The following INSYN2B variants were observed in gnomAD, a reference collection of about 807,000 sequenced individuals.
The protein encoded by INSYN2B is inhibitory synaptic factor family member 2B, also known as protein INSYN2B.
A neutral mutation model predicts 41.2 loss-of-function variants in INSYN2B; 16 were observed. The ratio of observed to expected loss-of-function variants is 0.39; its 90% confidence interval spans 0.26 to 0.59. The LOEUF is 0.59. Among genes scored for constraint, INSYN2B ranks in the 20% least tolerant of loss-of-function variants. The pLI, the probability that INSYN2B is intolerant of heterozygous loss-of-function variation, is 0.57. For synonymous variants in INSYN2B, 245 were observed against 244.4 expected, an observed-to-expected ratio of 1.00 and a Z score of -0.02; for missense variants, 608 against 646.4, an observed-to-expected ratio of 0.94 and a Z score of 0.64.
chr5:169,975,304 T>C (rs1220526178), intron 1 of INSYN2B, among the ~76,000 whole-genome samples: 2 of 152,176 alleles, frequency 1.3e-5, no homozygotes, highest in Non-Finnish European at 2.9e-5. Context: ...TGGAAAATGC[T>C]TCTCTAAAGA....
intron 1 of INSYN2B, among the ~76,000 whole-genome samples, chr5:169,958,553 G>A (rs900806699): frequency 2.0e-4 from 30 of 150,058 alleles, no homozygotes; most frequent in African/African-American, 7.4e-4. Context: ...TTAAAATAGA[G>A]GACAAAAGGG....
In INSYN2B at chr5:169,919,451, G is replaced by A. The variant is rs562044460; in HGVS notation, c.-918-34635C>T. Among the ~76,000 whole-genome samples the A allele has an allele frequency of 2.0e-5, 3 of 152,246 alleles. No individual in the cohort carries two copies. The East Asian group carries it at 5.8e-4, about 29-fold the overall frequency. On this transcript the variant is annotated intron_variant, in intron 1 of 3. Transcript: ENST00000377365. ...TTAAATCCCCAACTAAAAAGTAATG[G>A]CCAGTATCATTAATTGACCCCAGGC...
chr5:169,882,997 C>A lies in INSYN2B; in HGVS notation c.902G>T (p.Cys301Phe). 6.4e-7 allele frequency: 1 copy of A among 1,551,646 alleles called. No homozygotes were observed. The highest frequency in any genetic ancestry group is 8.7e-7 in the Non-Finnish European group (1 of 1,146,922). ...GSLSSQSKETCVPSSPRTHSS... is the reference protein window; with the variant it reads ...GSLSSQSKETFVPSSPRTHSS... ...GTGAGTCCGTGGAGATGAAGGAACA[C>A]ACGTTTCCTTTGACTGAGATGACAG... The change falls in exon 2 of 4, where the codon TGT becomes TTT. Residue 301 changes from cysteine to phenylalanine, a missense_variant. Transcript: ENST00000377365.
At chr5:169,943,983 G>T (rs2113710852) in intron 1 of INSYN2B, among the ~76,000 whole-genome samples, 1 of 152,306 alleles carries the variant, frequency 6.6e-6, no homozygotes, top group East Asian at 1.9e-4. Context: ...GGTAAGAGTG[G>T]GCTAATAGCA....
intron 1 of INSYN2B, among the ~76,000 whole-genome samples, chr5:169,971,446 T>G (rs1483714027): frequency 8.0e-6 from 1 of 125,772 alleles, no homozygotes; most frequent in Non-Finnish European, 1.6e-5. Context: ...TTTTTTTTTT[T>G]CATGAAAGAC....
intron 1 of INSYN2B, among the ~76,000 whole-genome samples, chr5:169,940,724 G>C (rs1485215814): frequency 6.6e-6 from 1 of 152,192 alleles, no homozygotes; most frequent in Admixed American, 6.5e-5. Flanking sequence ...TCTGACAGGA[G>C]GGGGAGCTCA....
intron 1 of INSYN2B, among the ~76,000 whole-genome samples, chr5:169,963,850 C>G (rs1322567485): frequency 2.6e-5 from 4 of 152,106 alleles, no homozygotes; most frequent in Admixed American, 1.3e-4. Context: ...TGAACATAGA[C>G]CGCTGGGCCT....
At chr5:169,929,741 CAAAAAAAAA>C (rs1211612989) in intron 1 of INSYN2B, among the ~76,000 whole-genome samples, 1 of 62,960 alleles carries the variant, frequency 1.6e-5, no homozygotes, top group African/African-American at 5.5e-5. Flanking sequence ...GACCCTGTCT[CAAAAAAAAA>C]AAAAAAAAAA....
At chr5:169,966,674 A>G (rs1777312030) in intron 1 of INSYN2B, among the ~76,000 whole-genome samples, 1 of 152,186 alleles carries the variant, frequency 6.6e-6, no homozygotes, top group African/African-American at 2.4e-5. Flanking sequence ...GCACACAGGG[A>G]CAGCAAGTGG....
At chr5:169,876,525 C>T (rs1360391211) in intron 3 of INSYN2B, among the ~76,000 whole-genome samples, 1 of 152,192 alleles carries the variant, frequency 6.6e-6, no homozygotes, top group Non-Finnish European at 1.5e-5. Flanking sequence ...GACAGAAGTC[C>T]TGGGCAATAA....
chr5:169,953,273 C>T (rs1776738027), intron 1 of INSYN2B, among the ~76,000 whole-genome samples: 1 of 148,108 alleles, frequency 6.8e-6, no homozygotes, highest in Non-Finnish European at 1.5e-5. Flanking sequence ...GCGGAGGTTG[C>T]AGTAAGCCGA....
chr5:169,887,110 C>T (rs1329171483), intron 1 of INSYN2B, among the ~76,000 whole-genome samples: 1 of 152,174 alleles, frequency 6.6e-6, no homozygotes, highest in Non-Finnish European at 1.5e-5. Context: ...AGGCTTCTCA[C>T]CATTGGGCCT....
chr5:169,881,701 G>T (rs776047153), intron 2 of INSYN2B, among the ~76,000 whole-genome samples: 2 of 152,162 alleles, frequency 1.3e-5, no homozygotes, highest in Non-Finnish European at 2.9e-5. Context: ...GAGGGATTCT[G>T]CAGGTGAGTG....
At chr5:169,943,106 A>G (rs1056319990) in intron 1 of INSYN2B, among the ~76,000 whole-genome samples, 1 of 152,176 alleles carries the variant, frequency 6.6e-6, no homozygotes, top group Non-Finnish European at 1.5e-5. Flanking sequence ...ATTCCATTCA[A>G]TGGAAATATC....
intron 1 of INSYN2B, among the ~76,000 whole-genome samples, chr5:169,904,595 C>T (rs1223697921): frequency 1.3e-5 from 2 of 152,140 alleles, no homozygotes; most frequent in Admixed American, 1.3e-4. Context: ...ATCTCATTCT[C>T]TCTCATTCAC....
Position 169,861,881 on chromosome 5 carries a change from T to C in INSYN2B, c.*2392A>G, listed in dbSNP as rs970067122. Among the ~76,000 whole-genome samples the C allele has an allele frequency of 5.3e-5, 8 of 152,226 alleles. No individual in the cohort carries two copies. The highest frequency in any genetic ancestry group is 1.2e-4 in the Non-Finnish European group (8 of 68,044). On this transcript the variant is annotated 3_prime_UTR_variant, in exon 4 of 4. Coordinates refer to ENST00000377365, the MANE Select transcript of INSYN2B (RefSeq NM_001129891.3). ...GGTGTAGAATCAGTACAGCCTTGTT[T>C]GGCTGTATTTCTAGAAATGTCAACA...
chr5:169,918,994 C>T (rs1775028510), intron 1 of INSYN2B, among the ~76,000 whole-genome samples: 1 of 152,202 alleles, frequency 6.6e-6, no homozygotes, highest in Middle Eastern at 3.4e-3. Flanking sequence ...CATTTATAAA[C>T]CAGTAACAAG....
At chr5:169,905,948 T>A (rs1197056790) in intron 1 of INSYN2B, among the ~76,000 whole-genome samples, 1 of 152,212 alleles carries the variant, frequency 6.6e-6, no homozygotes, top group Non-Finnish European at 1.5e-5. Flanking sequence ...AAAATGTCTG[T>A]TGCCTTCGTT....
intron 3 of INSYN2B, among the ~76,000 whole-genome samples, chr5:169,873,283 T>A (rs1288799004): frequency 6.6e-6 from 1 of 152,248 alleles, no homozygotes; most frequent in Non-Finnish European, 1.5e-5. Context: ...AATCTCCTGT[T>A]GGGACTCAGA....
Sources: gnomAD v4.1 joint callset for allele counts (sites outside exome capture counted in the v4.1 genomes callset) on GRCh38, gnomAD v4.1.1 for gene constraint, MANE v1.5 for transcripts, NCBI Gene and HGNC (gene_info 2026-07-23, HGNC 2026-07-21) for gene names.